ZFPM2: variants seen among roughly 807,000 people sequenced by gnomAD.
ZFPM2 encodes zinc finger protein ZFPM2.
A neutral mutation model predicts 98.6 loss-of-function variants in ZFPM2; 20 were observed. The observed-to-expected ratio is 0.20, with a 90% CI of 0.14 to 0.29. The LOEUF is 0.29. Among genes scored for constraint, ZFPM2 ranks in the 10% least tolerant of loss-of-function variants. The probability of loss-of-function intolerance (pLI) is 1.00; values close to 1 mark genes in which losing one functional copy is unlikely to be tolerated. For synonymous variants in ZFPM2, 518 were observed against 502.7 expected (o/e 1.03, Z -0.41); for missense variants, 1,310 against 1,388.6 (o/e 0.94, Z 0.90).
chr8:105,407,171 A>G (rs981476501), intron 1 of ZFPM2, among the ~76,000 whole-genome samples: 3 of 150,288 alleles, frequency 2.0e-5, no homozygotes, highest in African/African-American at 7.4e-5. Flanking sequence ...ATAAGCCATG[A>G]GTAAAATATT....
intron 1 of ZFPM2, among the ~76,000 whole-genome samples, chr8:105,346,596 T>C (rs1472760597): frequency 2.0e-5 from 3 of 152,186 alleles, no homozygotes; most frequent in South Asian, 2.1e-4. Flanking sequence ...AAAACTTTCA[T>C]TGAGAGCCTT....
intron 3 of ZFPM2, among the ~76,000 whole-genome samples, chr8:105,506,007 C>G (rs16873231): frequency 0.37 from 55,817 of 151,868 alleles, 12,137 homozygotes; most frequent in African/African-American, 0.62. Context: ...AATGAAGAAG[C>G]AAAAACAGTG....
intron 4 of ZFPM2, among the ~76,000 whole-genome samples, chr8:105,608,231 G>A (rs879303478): frequency 2.6e-5 from 4 of 151,994 alleles, no homozygotes; most frequent in Admixed American, 6.6e-5. Flanking sequence ...GTTGGGTACG[G>A]GGCTTAGTAA....
chr8:105,400,025 C>T (rs1350112606), intron 1 of ZFPM2, among the ~76,000 whole-genome samples: 1 of 152,144 alleles, frequency 6.6e-6, no homozygotes. Flanking sequence ...GTCTCGGCCT[C>T]CCAAAGTGCT....
chr8:105,784,050 C>T (rs989820313), intron 5 of ZFPM2, among the ~76,000 whole-genome samples: 1 of 151,968 alleles, frequency 6.6e-6, no homozygotes, highest in Non-Finnish European at 1.5e-5. Context: ...ATAATGATGC[C>T]CTCATTTTAA....
At chr8:105,465,447 G>T (rs1254858314) in intron 3 of ZFPM2, among the ~76,000 whole-genome samples, 1 of 151,690 alleles carries the variant, frequency 6.6e-6, no homozygotes, top group East Asian at 1.9e-4. Flanking sequence ...GTTTATACAA[G>T]CATCTTTTAT....
At chr8:105,506,095 A>G (rs16873235) in intron 3 of ZFPM2, among the ~76,000 whole-genome samples, 55,774 of 151,960 alleles carry the variant, frequency 0.37, 12,111 homozygotes, top group African/African-American at 0.62. Flanking sequence ...TTAATAAATA[A>G]GGAAATAAAG....
intron 5 of ZFPM2, among the ~76,000 whole-genome samples, chr8:105,758,652 TTAG>T (rs1257777694): frequency 5.9e-5 from 9 of 152,108 alleles, no homozygotes; most frequent in Non-Finnish European, 1.0e-4. Flanking sequence ...TTGGGAAATT[TTAG>T]TAATCAATTG....
At chr8:105,717,877 G>T (rs1811562981) in intron 5 of ZFPM2, among the ~76,000 whole-genome samples, 1 of 151,620 alleles carries the variant, frequency 6.6e-6, no homozygotes. Context: ...AAGGGAGCAG[G>T]CTCAGCACTG....
intron 6 of ZFPM2, among the ~76,000 whole-genome samples, chr8:105,796,155 C>CTTAT (rs1813804797): frequency 6.6e-6 from 1 of 151,740 alleles, no homozygotes; most frequent in African/African-American, 2.4e-5. Flanking sequence ...GGTAAATGTA[C>CTTAT]TTATTTTCTT....
At chr8:105,526,112 A>G (rs1274330882) in intron 3 of ZFPM2, among the ~76,000 whole-genome samples, 1 of 152,166 alleles carries the variant, frequency 6.6e-6, no homozygotes, top group Admixed American at 6.5e-5. Flanking sequence ...GTTGTTTTCA[A>G]CTTTAGACTT....
At chr8:105,745,785 G>T (rs571989172) in intron 5 of ZFPM2, among the ~76,000 whole-genome samples, 1 of 152,134 alleles carries the variant, frequency 6.6e-6, no homozygotes, top group African/African-American at 2.4e-5. Flanking sequence ...TTTGAGACAG[G>T]ATCTTGCTCT....
intron 4 of ZFPM2, among the ~76,000 whole-genome samples, chr8:105,585,578 G>A (rs563048872): frequency 2.6e-5 from 4 of 152,158 alleles, no homozygotes; most frequent in East Asian, 1.9e-4. Flanking sequence ...AGATGTTGCC[G>A]TGTACTTGAA....
chr8:105,390,590 C>G (rs1040651529), intron 1 of ZFPM2, among the ~76,000 whole-genome samples: 2 of 152,280 alleles, frequency 1.3e-5, no homozygotes, highest in Middle Eastern at 3.4e-3. Context: ...TCCACTCCCC[C>G]GTATCCTCCT....
intron 3 of ZFPM2, among the ~76,000 whole-genome samples, chr8:105,489,468 T>TATA (rs1563682484): frequency 9.5e-5 from 5 of 52,452 alleles, no homozygotes; most frequent in African/African-American, 3.0e-4. Context: ...ATATATATAT[T>TATA]TTTTTTTTTT....
chr8:105,738,940 A>G (rs1386562273), intron 5 of ZFPM2, among the ~76,000 whole-genome samples: 4 of 152,114 alleles, frequency 2.6e-5, no homozygotes. Flanking sequence ...TTAGGTCTTC[A>G]TTCAGAACTC....
chr8:105,694,286 T>C (rs1810966035), intron 5 of ZFPM2, among the ~76,000 whole-genome samples: 1 of 152,038 alleles, frequency 6.6e-6, no homozygotes, highest in South Asian at 2.1e-4. Flanking sequence ...GCGCCCAGCC[T>C]CTCCAAATTT....
At position 105,742,094 on chromosome 8, in the gene ZFPM2, G is replaced by A. The variant is rs191745269; in HGVS notation, c.533-46624G>A. Among the ~76,000 whole-genome samples, 72 of 152,086 alleles carry A rather than the reference G, an allele frequency of 4.7e-4. 1 individual carries two copies. Among genetic ancestry groups the A allele is most frequent in the East Asian group, 2.5e-3 (13 of 5,110 alleles). ...CATACCAATAATCCCAGCACTTTGG[G>A]AGGCCAAGGCAGGATTGGATGGAGG... is the stretch of plus-strand genomic sequence containing the variant. On this transcript the variant is annotated intron_variant, in intron 5 of 7. Coordinates refer to ENST00000407775, the MANE Select transcript of ZFPM2 (RefSeq NM_012082.4).
intron 3 of ZFPM2, among the ~76,000 whole-genome samples, chr8:105,498,952 A>G (rs1445079330): frequency 6.6e-6 from 1 of 152,182 alleles, no homozygotes; most frequent in Non-Finnish European, 1.5e-5. Flanking sequence ...CCTTGCAGGC[A>G]TTGGGGCAGG....
Sources: allele counts gnomAD v4.1 joint callset (sites outside exome capture counted in the v4.1 genomes callset), GRCh38; gene constraint gnomAD v4.1.1; transcripts MANE v1.5; gene names NCBI Gene and HGNC (gene_info 2026-07-23, HGNC 2026-07-21).